The following SP2 variants were observed in gnomAD, a reference collection of about 807,000 sequenced individuals.
The protein encoded by SP2 is Sp2 transcription factor.
A neutral mutation model predicts 50.1 loss-of-function variants in SP2; 9 were observed. The observed-to-expected ratio is 0.18, with a 90% confidence interval of 0.11 to 0.31. The LOEUF is 0.31. SP2 is among the 10% of genes least tolerant of loss of function. SP2 has a pLI of 1.00. For synonymous variants in SP2, 313 were observed against 326.6 expected (o/e 0.96, Z 0.45); for missense variants, 581 against 806.5 (o/e 0.72, Z 3.39).
chr17:47,920,485 A>G (rs2035407968), intron 3 of SP2, among the ~76,000 whole-genome samples: 1 of 151,780 alleles, frequency 6.6e-6, no homozygotes, highest in African/African-American at 2.4e-5. Context: ...ATGGGGTTTC[A>G]CCATGTTAGC....
chr17:47,925,048 G>A lies in SP2; in HGVS notation c.1502G>A (p.Arg501His), dbSNP rs766401885. The change falls in exon 5 of 7, where the codon CGC (arginine) becomes CAC (histidine). Residue 501 changes from arginine to histidine, a missense_variant. By Grantham distance (29) the Arg-to-His change is conservative. Around this residue, in one of 2 missense-constraint regions of SP2, gnomAD observed 184 missense variants for 315.5 expected, o/e 0.58. Transcript: ENST00000376741. Reference protein sequence around the residue: ...AGETQPGEKRRRMACTCPNCK... With the variant: ...AGETQPGEKRHRMACTCPNCK... ...GAGACCCAGCCCGGGGAGAAGCGGC[G>A]CCGCATGGCCTGCACGTGTCCCAAC... 5.0e-6 allele frequency: 8 copies of A among 1,613,828 alleles called. No homozygotes were observed. Among genetic ancestry groups the A allele is most frequent in the South Asian group, 1.1e-5 (1 of 91,042 alleles).
intron 3 of SP2, 130 bp downstream of exon 3, chr17:47,917,260 T>A: frequency 1.1e-6 from 1 of 899,234 alleles, no homozygotes; most frequent in Non-Finnish European, 1.7e-6. Flanking sequence ...GGGTGGGCAG[T>A]AAGTGGCCGT....
downstream of SP2, chr17:47,929,773 G>GGCAA (rs2035782538): frequency 6.5e-6 from 1 of 152,708 alleles, no homozygotes. Context: ...TGAAGAGACA[G>GGCAA]GCAAGTCCGC....
chr17:47,927,643 C>A, intron 6 of SP2, 81 bp from the exon 7 acceptor site: 1 of 885,626 alleles, frequency 1.1e-6, no homozygotes, highest in Admixed American at 2.1e-5. Flanking sequence ...ATTGGGTGCA[C>A]CTCACACGCA....
chr17:47,913,733 TAG>T (rs1357320944), intron 1 of SP2, among the ~76,000 whole-genome samples: 3 of 152,058 alleles, frequency 2.0e-5, no homozygotes, highest in Non-Finnish European at 4.4e-5. Context: ...AAGTGCACAG[TAG>T]AGAGTCCCTT....
In SP2 at chr17:47,896,551, C is replaced by T. The variant is rs978307996; in HGVS notation, c.7+258C>T. Among the ~76,000 whole-genome samples the T allele has an allele frequency of 4.6e-5, 7 of 152,218 alleles. No homozygotes were observed. The East Asian group carries it at 1.4e-3, about 30-fold the overall frequency. On this transcript the variant is annotated intron_variant, in intron 1 of 6. Coordinates refer to ENST00000376741, the MANE Select transcript of SP2 (RefSeq NM_003110.6). Reference sequence around the variant, plus strand: ...CGGAGCCCGCCGGGCGGGAGGGCGGCGCTTCCGGGGGCCGGCGAGAGGAGC... The same window carrying T: ...CGGAGCCCGCCGGGCGGGAGGGCGGTGCTTCCGGGGGCCGGCGAGAGGAGC...
intron 1 of SP2, among the ~76,000 whole-genome samples, chr17:47,914,036 G>A (rs1014553144): frequency 2.0e-5 from 3 of 152,158 alleles, no homozygotes; most frequent in African/African-American, 2.4e-5. Context: ...CTGTGGGGCC[G>A]TGCCTATTGT....
At chr17:47,919,706 C>T (rs992196621) in intron 3 of SP2, among the ~76,000 whole-genome samples, 1 of 151,986 alleles carries the variant, frequency 6.6e-6, no homozygotes, top group African/African-American at 2.4e-5. Context: ...TCCAAGACCC[C>T]ACTGTGTTTT....
chr17:47,924,867 T>G (rs901151503), intron 4 of SP2, 52 bp from the exon 5 acceptor site: 5 of 1,500,084 alleles, frequency 3.3e-6, no homozygotes, highest in African/African-American at 1.4e-5. Context: ...AAGGGTTGAC[T>G]CGAGGTTTCA....
Position 47,927,748 on chromosome 17 carries a change from A to G in SP2, c.1766A>G (p.Gln589Arg). The G allele has an allele frequency of 6.3e-7, 1 of 1,592,180 alleles. No homozygotes were observed. The highest frequency in any genetic ancestry group is 8.6e-7 in the Non-Finnish European group (1 of 1,168,800). ...GGGGACAAACGCTTCGAGTGCGCCC[A>G]GTGTCAGAAGCGCTTCATGAGGAGT... ...HTGDKRFECA[Q>R]CQKRFMRSDH... The change falls in exon 7 of 7, where the codon CAG becomes CGG. Residue 589 changes from glutamine (Q) to arginine (R), a missense_variant. Gln to Arg is a conservative substitution (Grantham distance 43, BLOSUM62 1). Coordinates refer to ENST00000376741, the MANE Select transcript of SP2 (RefSeq NM_003110.6).
At chr17:47,925,571 C>A (rs760111466) in intron 6 of SP2, 30 bp downstream of exon 6, 2 of 1,586,086 alleles carry the variant, frequency 1.3e-6, no homozygotes, top group Non-Finnish European at 1.7e-6. Flanking sequence ...GACCCTCCAC[C>A]CACAGAGGTC....
At chr17:47,930,481 C>T (rs184765711), downstream of SP2, among the ~76,000 whole-genome samples, 10 of 152,280 alleles carry the variant, frequency 6.6e-5, no homozygotes, top group East Asian at 1.7e-3. Flanking sequence ...TTTCCCTTCT[C>T]CAGTGAGATG....
intron 6 of SP2, among the ~76,000 whole-genome samples, chr17:47,927,112 AAGC>A (rs1335751462): frequency 1.3e-5 from 2 of 152,200 alleles, no homozygotes; most frequent in Non-Finnish European, 2.9e-5. Context: ...CAAAAGAAGA[AAGC>A]AGGCAGACAG....
intron 1 of SP2, among the ~76,000 whole-genome samples, chr17:47,915,075 A>G (rs1420928891): frequency 1.3e-5 from 2 of 152,024 alleles, no homozygotes; most frequent in Non-Finnish European, 2.9e-5. Flanking sequence ...TTAGCTGGGC[A>G]TGGTGGCAGC....
intron 1 of SP2, among the ~76,000 whole-genome samples, chr17:47,911,099 A>G (rs984455793): frequency 5.3e-5 from 8 of 151,934 alleles, no homozygotes; most frequent in African/African-American, 1.9e-4. Flanking sequence ...GGTGGTGTGC[A>G]CCAGTGGTCC....
chr17:47,914,785 T>G (rs2143935367), intron 1 of SP2: 1 of 152,428 alleles, frequency 6.6e-6, no homozygotes, highest in South Asian at 2.1e-4. Context: ...CCTCACAGCC[T>G]CAGATGGCTG....
chr17:47,919,843 T>C (rs2144009395), intron 3 of SP2, among the ~76,000 whole-genome samples: 1 of 143,836 alleles, frequency 7.0e-6, no homozygotes, highest in South Asian at 2.3e-4. Context: ...TTTTTTTTTT[T>C]TTTTCTGTTT....
intron 1 of SP2, among the ~76,000 whole-genome samples, chr17:47,903,578 A>G (rs1192763340): frequency 6.6e-6 from 1 of 152,138 alleles, no homozygotes; most frequent in African/African-American, 2.4e-5. Context: ...GAGGCAGCAG[A>G]ATCACTTGAA....
At chr17:47,924,841 A>C in intron 4 of SP2, 78 bp from the exon 5 acceptor site, 2 of 1,317,776 alleles carry the variant, frequency 1.5e-6, no homozygotes, top group Non-Finnish European at 1.0e-6. Flanking sequence ...CATCTTTGTC[A>C]TGTGCAGAAG....
Sources: allele counts gnomAD v4.1 joint callset (sites outside exome capture counted in the v4.1 genomes callset), GRCh38; gene constraint gnomAD v4.1.1; regional missense constraint gnomAD v4.1.1; transcripts MANE v1.5; gene names NCBI Gene and HGNC (gene_info 2026-07-23, HGNC 2026-07-21).